Variants in ZNF503 observed in about 807,000 individuals in gnomAD.
ZNF503 encodes zinc finger protein 503.
In ZNF503, 15 loss-of-function variants were observed where a neutral mutation model predicts 34.4. That is an observed-to-expected ratio of 0.44 (90% confidence interval 0.29 to 0.67). The LOEUF is 0.67. Among genes scored for constraint, ZNF503 ranks in the 30% least tolerant of loss-of-function variants. ZNF503 has a pLI of 0.13. For missense variants in ZNF503, 1,007 were observed against 926.8 expected, an observed-to-expected ratio of 1.09 and a Z score of -1.12; for synonymous variants, 580 against 456.8, an observed-to-expected ratio of 1.27 and a Z score of -3.44.
At chr10:75,383,048 G>T in the ZNF503 span, among the ~76,000 whole-genome samples, 1 of 152,132 alleles carries the variant, frequency 6.6e-6, no homozygotes, top group Admixed American at 6.5e-5. Flanking sequence ...ACACTGCTCT[G>T]GATTCTCTGG....
At chr10:75,283,178 A>C in the ZNF503 span, 1 of 152,238 alleles carries the variant, frequency 6.6e-6, no homozygotes, top group African/African-American at 2.4e-5. Flanking sequence ...GGTGCTTTGC[A>C]CATTAGTGCG....
chr10:75,398,523 T>A lies in ZNF503; in HGVS notation c.*226A>T, dbSNP rs1843731082. The A allele has an allele frequency of 2.5e-6, 1 of 400,214 alleles. No homozygotes were observed. Among genetic ancestry groups the A allele is most frequent in the African/African-American group, 2.1e-5 (1 of 48,616 alleles). The allele number at this position is 400,214 out of a possible 1,614,324, so 24.8% of individuals were successfully genotyped here. ...AAAAGTCAAATGATATTTTTTCAAC[T>A]TTTATAAAGTTTGGGTGGGGAGGTG... On this transcript the variant is annotated 3_prime_UTR_variant, in exon 2 of 2. Transcript: ENST00000372524.
the ZNF503 span, among the ~76,000 whole-genome samples, chr10:75,302,310 C>T: frequency 1.3e-5 from 2 of 152,168 alleles, no homozygotes; most frequent in African/African-American, 4.8e-5. Context: ...TTGTCTTAGG[C>T]TTTCAACAGT....
the ZNF503 span, chr10:75,358,468 A>G: frequency 1.1e-4 from 16 of 152,296 alleles, no homozygotes; most frequent in Admixed American, 8.5e-4. Context: ...GTATGTACAT[A>G]CAACACTTGA....
the ZNF503 span, among the ~76,000 whole-genome samples, chr10:75,371,250 T>C: frequency 6.6e-6 from 1 of 152,034 alleles, no homozygotes; most frequent in African/African-American, 2.4e-5. Context: ...CATCTAAGGG[T>C]TAAGATGTGG....
the ZNF503 span, among the ~76,000 whole-genome samples, chr10:75,363,320 T>C: frequency 3.9e-5 from 6 of 152,140 alleles, no homozygotes; most frequent in African/African-American, 1.2e-4. Flanking sequence ...GAGCAGTCCC[T>C]GTGGCCAGGC....
chr10:75,381,249 G>T, the ZNF503 span, among the ~76,000 whole-genome samples: 1 of 152,162 alleles, frequency 6.6e-6, no homozygotes, highest in African/African-American at 2.4e-5. Flanking sequence ...TTTGAGACAG[G>T]GTCTTGCTCT....
chr10:75,389,074 C>T, the ZNF503 span, among the ~76,000 whole-genome samples: 1 of 152,072 alleles, frequency 6.6e-6, no homozygotes, highest in Admixed American at 6.5e-5. Context: ...GTAGAATTCC[C>T]ACACCCTAGG....
the ZNF503 span, among the ~76,000 whole-genome samples, chr10:75,345,398 AG>A: frequency 6.6e-6 from 1 of 152,064 alleles, no homozygotes; most frequent in Non-Finnish European, 1.5e-5. Context: ...GCACTTTGGG[AG>A]GCTGAGGCAG....
chr10:75,320,976 G>T, the ZNF503 span, among the ~76,000 whole-genome samples: 2 of 152,204 alleles, frequency 1.3e-5, no homozygotes, highest in Non-Finnish European at 2.9e-5. Context: ...ATGTCAAATT[G>T]TAACCCCCAG....
the ZNF503 span, among the ~76,000 whole-genome samples, chr10:75,289,313 G>A: frequency 5.9e-5 from 9 of 152,138 alleles, no homozygotes; most frequent in Admixed American, 3.3e-4. Context: ...TAGATTTGCC[G>A]CCTGCCCACA....
At chr10:75,379,684 A>G in the ZNF503 span, among the ~76,000 whole-genome samples, 1 of 152,350 alleles carries the variant, frequency 6.6e-6, no homozygotes, top group Non-Finnish European at 1.5e-5. Flanking sequence ...TGGATCTTTT[A>G]ATTGAGTGAG....
chr10:75,286,841 C>G, the ZNF503 span, among the ~76,000 whole-genome samples: 8 of 152,332 alleles, frequency 5.3e-5, no homozygotes, highest in African/African-American at 1.9e-4. Context: ...AAGCTGGCAT[C>G]CTCAGCTGAA....
chr10:75,311,475 T>C, the ZNF503 span, among the ~76,000 whole-genome samples: 1 of 152,098 alleles, frequency 6.6e-6, no homozygotes, highest in Non-Finnish European at 1.5e-5. Context: ...GAGGCAGAGA[T>C]GCTAAAATTA....
At chr10:75,356,323 T>C in the ZNF503 span, among the ~76,000 whole-genome samples, 1 of 152,144 alleles carries the variant, frequency 6.6e-6, no homozygotes, top group African/African-American at 2.4e-5. Flanking sequence ...TTCACGCCAT[T>C]CTCCTGCCTC....
At chr10:75,363,797 C>G in the ZNF503 span, among the ~76,000 whole-genome samples, 1 of 152,204 alleles carries the variant, frequency 6.6e-6, no homozygotes, top group Non-Finnish European at 1.5e-5. Context: ...TGTTGCATGG[C>G]TCTAATATAC....
At chr10:75,361,165 T>C in the ZNF503 span, 1 of 152,194 alleles carries the variant, frequency 6.6e-6, no homozygotes, top group African/African-American at 2.4e-5. Flanking sequence ...TCTTACTAAG[T>C]TGGGTAAGAC....
the ZNF503 span, among the ~76,000 whole-genome samples, chr10:75,374,265 G>A: frequency 6.6e-6 from 1 of 152,132 alleles, no homozygotes; most frequent in African/African-American, 2.4e-5. Context: ...TCACGCCACT[G>A]CCCTCTACCC....
the ZNF503 span, chr10:75,338,402 G>C: frequency 1.3e-5 from 2 of 152,218 alleles, no homozygotes; most frequent in African/African-American, 4.8e-5. Flanking sequence ...AACTTTACAA[G>C]TCTCACTTTC....
Sources: gnomAD v4.1 joint callset for allele counts (sites outside exome capture counted in the v4.1 genomes callset) on GRCh38, gnomAD v4.1.1 for gene constraint, MANE v1.5 for transcripts, NCBI Gene and HGNC (gene_info 2026-07-23, HGNC 2026-07-21) for gene names.